Variants in FANK1 observed in about 807,000 individuals in gnomAD.
FANK1 encodes the protein fibronectin type 3 and ankyrin repeat domains protein 1.
Under a neutral mutation model 45.3 loss-of-function variants are expected in FANK1, and 44 were observed. The observed-to-expected ratio is 0.97, with a 90% CI of 0.76 to 1.25. The LOEUF is 1.25. FANK1 is among the 50% of genes most tolerant of loss of function. The probability of loss-of-function intolerance (pLI) is 0.00; values close to 1 mark genes in which losing one functional copy is unlikely to be tolerated. For synonymous variants in FANK1, 149 were observed against 152.5 expected (o/e 0.98, Z 0.17); for missense variants, 391 against 424.4 (o/e 0.92, Z 0.69).
chr10:125,979,892 A>T, intron 1 of FANK1: 1 of 571,836 alleles, frequency 1.7e-6, no homozygotes, highest in Non-Finnish European at 3.3e-6. Flanking sequence ...TATGTTAAGC[A>T]GCCCTTTGGA....
chr10:125,961,658 G>A (rs551919311), intron 1 of FANK1, among the ~76,000 whole-genome samples: 38 of 152,294 alleles, frequency 2.5e-4, no homozygotes, highest in Middle Eastern at 6.8e-3. Flanking sequence ...AACATAGGGG[G>A]AAGCCCTTCA....
chr10:126,006,095 T>C (rs1195562162), intron 7 of FANK1, among the ~76,000 whole-genome samples: 1 of 152,248 alleles, frequency 6.6e-6, no homozygotes, highest in African/African-American at 2.4e-5. Context: ...TAAAGAATGA[T>C]GGACAAAGTT....
chr10:125,945,730 G>A (rs1464494533), intron 1 of FANK1, among the ~76,000 whole-genome samples: 3 of 152,206 alleles, frequency 2.0e-5, no homozygotes, highest in Admixed American at 6.5e-5. Flanking sequence ...CAGGAGGCTC[G>A]AACTGGGTGG....
intron 3 of FANK1, 163 bp downstream of exon 3, chr10:125,988,838 G>C: frequency 9.3e-7 from 1 of 1,080,158 alleles, no homozygotes; most frequent in Non-Finnish European, 1.4e-6. Context: ...GCCATAACTT[G>C]TAATGTCAGG....
intron 1 of FANK1, among the ~76,000 whole-genome samples, chr10:125,946,363 A>G (rs1027292145): frequency 4.7e-5 from 7 of 148,990 alleles, no homozygotes; most frequent in Middle Eastern, 3.4e-3. Context: ...ACTTTGAAAA[A>G]AATTTAGAAG....
chr10:125,948,027 C>T (rs1225438520), intron 1 of FANK1, among the ~76,000 whole-genome samples: 59 of 149,784 alleles, frequency 3.9e-4, no homozygotes, highest in African/African-American at 4.4e-4. Flanking sequence ...GGGTACATAA[C>T]GAAATGAAGG....
At chr10:125,985,470 A>G (rs1045144894) in intron 2 of FANK1, among the ~76,000 whole-genome samples, 3 of 152,132 alleles carry the variant, frequency 2.0e-5, no homozygotes, top group African/African-American at 7.2e-5. Context: ...GTTTTTCTGA[A>G]TATTTATCTT....
intron 1 of FANK1, among the ~76,000 whole-genome samples, chr10:125,918,304 T>A (rs1412776165): frequency 6.6e-6 from 1 of 151,818 alleles, no homozygotes; most frequent in Non-Finnish European, 1.5e-5. Flanking sequence ...ACGCCTGTAA[T>A]CCTAGCACTT....
chr10:125,980,508 G>A (rs1951134316), intron 2 of FANK1, 170 bp downstream of exon 2: 5 of 654,866 alleles, frequency 7.6e-6, no homozygotes, highest in Non-Finnish European at 1.0e-5. Context: ...GGCATTAGCA[G>A]TAACTTTGAA....
At chr10:125,915,177 C>T (rs1419323143) in intron 1 of FANK1, among the ~76,000 whole-genome samples, 2 of 152,192 alleles carry the variant, frequency 1.3e-5, no homozygotes, top group Non-Finnish European at 2.9e-5. Flanking sequence ...ACAGGCCACA[C>T]TTTGAGAAGC....
chr10:125,936,233 C>T (rs1216203430), intron 1 of FANK1, among the ~76,000 whole-genome samples: 2 of 151,986 alleles, frequency 1.3e-5, no homozygotes, highest in Admixed American at 1.3e-4. Flanking sequence ...TCCTGATTTC[C>T]ATCATAGTCT....
chr10:125,982,704 T>C (rs1951298076), intron 2 of FANK1, among the ~76,000 whole-genome samples: 1 of 152,210 alleles, frequency 6.6e-6, no homozygotes, highest in South Asian at 2.1e-4. Context: ...CTGGAAACAA[T>C]GATATTGTCT....
chr10:125,912,793 A>G (rs1213602126), intron 1 of FANK1, among the ~76,000 whole-genome samples: 2 of 152,152 alleles, frequency 1.3e-5, no homozygotes, highest in Non-Finnish European at 2.9e-5. Context: ...GCCCACCACC[A>G]TGCCCAGCTA....
rs368550593 is a variant in FANK1, at chr10:125,995,620, G to T, written c.398+122G>T. 17 of 814,256 alleles carry T rather than the reference G, an allele frequency of 2.1e-5. No individual in the cohort carries two copies. The East Asian group carries it at 2.1e-4, about 10-fold the overall frequency. 50.4% of individuals were successfully genotyped at this position (814,256 alleles called of 1,614,324 possible). On this transcript the variant is annotated intron_variant, in intron 4 of 10. Transcript: ENST00000368693. ...TGGCTTTGAAACTGCCTCCAAAATG[G>T]ATCTCAGGTGACTGGTGTGAGTTAA...
chr10:126,002,221 A>C (rs768878440), intron 6 of FANK1, among the ~76,000 whole-genome samples: 1 of 152,070 alleles, frequency 6.6e-6, no homozygotes, highest in Admixed American at 6.5e-5. Context: ...CTGAATCAGG[A>C]GAATCACTAG....
At chr10:126,003,006 G>T (rs1472325440) in intron 6 of FANK1, among the ~76,000 whole-genome samples, 1 of 151,956 alleles carries the variant, frequency 6.6e-6, no homozygotes, top group Non-Finnish European at 1.5e-5. Flanking sequence ...TTTGGGAGGT[G>T]GTGTGGGGTT....
intron 1 of FANK1, among the ~76,000 whole-genome samples, chr10:125,942,530 T>A (rs1179261983): frequency 6.6e-6 from 1 of 152,160 alleles, no homozygotes; most frequent in African/African-American, 2.4e-5. Context: ...GGACATTTTT[T>A]AACGAAAAGA....
chr10:125,909,082 G>A (rs1469131549), intron 1 of FANK1, among the ~76,000 whole-genome samples: 1 of 152,254 alleles, frequency 6.6e-6, no homozygotes, highest in African/African-American at 2.4e-5. Context: ...TCTGTTAGCA[G>A]GAGACCTCTG....
intron 1 of FANK1, chr10:125,972,598 C>A (rs1488467152): frequency 1.3e-5 from 2 of 152,142 alleles, no homozygotes; most frequent in Non-Finnish European, 2.9e-5. Flanking sequence ...TCATTCATGA[C>A]CTGACCATCC....
Sources: gnomAD v4.1 joint callset for allele counts (sites outside exome capture counted in the v4.1 genomes callset) on GRCh38, gnomAD v4.1.1 for gene constraint, MANE v1.5 for transcripts, NCBI Gene and HGNC (gene_info 2026-07-23, HGNC 2026-07-21) for gene names.